The following MTHFD2L variants were observed in gnomAD, a reference collection of about 807,000 sequenced individuals.
The protein encoded by MTHFD2L is methylenetetrahydrofolate dehydrogenase (NADP+ dependent) 2 like.
A neutral mutation model predicts 34.9 loss-of-function variants in MTHFD2L; 29 were observed. The observed-to-expected ratio is 0.83, with a 90% confidence interval of 0.62 to 1.13. The LOEUF (loss-of-function observed/expected upper bound fraction) is 1.13. Among genes scored for constraint, MTHFD2L ranks in the 50% most tolerant of loss-of-function variants. MTHFD2L has a pLI of 0.00. For synonymous variants in MTHFD2L, 167 were observed against 155.7 expected (o/e 1.07, Z -0.54); for missense variants, 481 against 446.5 (o/e 1.08, Z -0.70).
chr4:74,283,719 G>T (rs1250084047), intron 7 of MTHFD2L, among the ~76,000 whole-genome samples: 1 of 152,228 alleles, frequency 6.6e-6, no homozygotes, highest in East Asian at 1.9e-4. Context: ...ACACCCATAT[G>T]ATTAGTTGTA....
intron 5 of MTHFD2L, among the ~76,000 whole-genome samples, chr4:74,209,961 T>C (rs1167903497): frequency 6.6e-6 from 1 of 152,252 alleles, no homozygotes. Context: ...GATGAGCTTT[T>C]TTAAATATGT....
intron 6 of MTHFD2L, among the ~76,000 whole-genome samples, chr4:74,269,139 C>T (rs760352591): frequency 6.6e-6 from 1 of 152,128 alleles, no homozygotes; most frequent in East Asian, 1.9e-4. Context: ...AATCTTCTTA[C>T]TAAGTTTCCC....
At chr4:74,200,539 AG>A (rs1360937904) in intron 4 of MTHFD2L, among the ~76,000 whole-genome samples, 1 of 152,138 alleles carries the variant, frequency 6.6e-6, no homozygotes, top group Non-Finnish European at 1.5e-5. Flanking sequence ...CTGATCACAT[AG>A]TTATCATTTC....
At chr4:74,151,802 C>T (rs58759445) in intron 1 of MTHFD2L, among the ~76,000 whole-genome samples, 2,420 of 152,246 alleles carry the variant, frequency 0.016, 78 homozygotes, top group African/African-American at 0.055. Flanking sequence ...TAATTCAAGT[C>T]TTTGCATACA....
chr4:74,277,956 T>C (rs1057400779), intron 6 of MTHFD2L, among the ~76,000 whole-genome samples: 1 of 152,136 alleles, frequency 6.6e-6, no homozygotes, highest in East Asian at 1.9e-4. Context: ...ATGTTATAGG[T>C]CTGCAAGAAG....
At chr4:74,293,418 AC>A in intron 7 of MTHFD2L, 1 of 555,588 alleles carries the variant, frequency 1.8e-6, no homozygotes, top group Non-Finnish European at 2.3e-6. Context: ...CCCTACAAAT[AC>A]AAATTGCAAA....
intron 6 of MTHFD2L, among the ~76,000 whole-genome samples, chr4:74,254,112 T>C (rs1395923839): frequency 6.6e-6 from 1 of 152,102 alleles, no homozygotes; most frequent in Non-Finnish European, 1.5e-5. Flanking sequence ...GAACAAAATG[T>C]GGGCAGAAAG....
In MTHFD2L at chr4:74,267,305, TTTTC is replaced by T. The variant is rs771538363; in HGVS notation, c.806-14110_806-14107del. The T allele has an allele frequency of 2.3e-5, 11 of 485,402 alleles. No homozygotes were observed. In the Admixed American group the frequency reaches 4.4e-4, roughly 19 times the overall value. The allele number at this position is 485,402 out of a possible 1,614,324, so 30.1% of individuals were successfully genotyped here. A position where few individuals can be genotyped will look rare whatever the true frequency, so the allele number is the denominator to read the frequency against. On this transcript the variant is annotated intron_variant, in intron 6 of 7. Transcript: ENST00000325278. ...TATTCTATTCTTTTCTTTTCTTTTCTTTTCTTTCTTTCTCTTTCTCTCTTTCTTT... is the reference window on the plus strand; with the variant it reads ...TATTCTATTCTTTTCTTTTCTTTTCTTTTCTTTCTCTTTCTCTCTTTCTTT...
At chr4:74,290,458 T>C (rs969307101) in intron 7 of MTHFD2L, among the ~76,000 whole-genome samples, 1 of 152,218 alleles carries the variant, frequency 6.6e-6, no homozygotes, top group Non-Finnish European at 1.5e-5. Context: ...CCAACTCTAC[T>C]GCTTAAAACA....
intron 3 of MTHFD2L, among the ~76,000 whole-genome samples, chr4:74,187,449 A>G (rs1731505522): frequency 2.0e-5 from 3 of 152,230 alleles, no homozygotes; most frequent in Admixed American, 2.0e-4. Context: ...CAAAAATGGT[A>G]AAAGTATTTG....
chr4:74,241,771 T>A (rs1741756127), intron 6 of MTHFD2L: 1 of 190,764 alleles, frequency 5.2e-6, no homozygotes, highest in Non-Finnish European at 1.1e-5. Flanking sequence ...AGCATGTATA[T>A]CCATTCATGC....
chr4:74,142,956 C>T (rs1384251917), intron 1 of MTHFD2L, among the ~76,000 whole-genome samples: 1 of 152,076 alleles, frequency 6.6e-6, no homozygotes, highest in African/African-American at 2.4e-5. Context: ...GTATCAATAC[C>T]TGAAAAAGGT....
chr4:74,174,022 A>C (rs1728537991), intron 1 of MTHFD2L, among the ~76,000 whole-genome samples: 1 of 152,168 alleles, frequency 6.6e-6, no homozygotes, highest in African/African-American at 2.4e-5. Flanking sequence ...TGGGAAGTCC[A>C]AGGTCAGTAC....
At chr4:74,236,353 A>C (rs1167676985) in intron 6 of MTHFD2L, among the ~76,000 whole-genome samples, 1 of 152,212 alleles carries the variant, frequency 6.6e-6, no homozygotes, top group Admixed American at 6.5e-5. Flanking sequence ...TTTGATTTCT[A>C]AACTAGATTG....
intron 3 of MTHFD2L, among the ~76,000 whole-genome samples, chr4:74,189,412 TGAA>T (rs1353255299): frequency 6.6e-6 from 1 of 150,488 alleles, no homozygotes; most frequent in African/African-American, 2.5e-5. Context: ...GGAAGAAAAG[TGAA>T]GACCACTCTC....
At chr4:74,270,711 G>A (rs79383797) in intron 6 of MTHFD2L, among the ~76,000 whole-genome samples, 36,761 of 152,068 alleles carry the variant, frequency 0.24, 4,514 homozygotes, top group Admixed American at 0.28. Context: ...GAGTCAAATG[G>A]TATTTCTAGT....
At chr4:74,139,192 C>T (rs1007816748) in intron 1 of MTHFD2L, among the ~76,000 whole-genome samples, 2 of 152,276 alleles carry the variant, frequency 1.3e-5, no homozygotes, top group Admixed American at 6.5e-5. Flanking sequence ...TAGAATGTGT[C>T]TGAAGCCCAG....
At chr4:74,151,150 A>G (rs1216376048) in intron 1 of MTHFD2L, among the ~76,000 whole-genome samples, 1 of 152,138 alleles carries the variant, frequency 6.6e-6, no homozygotes, top group Non-Finnish European at 1.5e-5. Context: ...AACCAGGTGC[A>G]CTTTTTATAC....
At chr4:74,264,301 C>A (rs1745036539) in intron 6 of MTHFD2L, among the ~76,000 whole-genome samples, 1 of 151,910 alleles carries the variant, frequency 6.6e-6, no homozygotes, top group East Asian at 1.9e-4. Flanking sequence ...TTTAGAAAAT[C>A]TAATGTAATC....
Sources: gnomAD v4.1 joint callset for allele counts (sites outside exome capture counted in the v4.1 genomes callset) on GRCh38, gnomAD v4.1.1 for gene constraint, MANE v1.5 for transcripts, NCBI Gene and HGNC (gene_info 2026-07-23, HGNC 2026-07-21) for gene names.